Variants in FTO observed in about 807,000 individuals in gnomAD.
FTO encodes the protein alpha-ketoglutarate-dependent dioxygenase FTO.
A neutral mutation model predicts 63.9 loss-of-function variants in FTO; 47 were observed. The observed-to-expected ratio is 0.74, with a 90% CI of 0.58 to 0.94. FTO has a LOEUF of 0.94. Ranked by LOEUF, FTO falls within the 40% of genes least tolerant of loss-of-function variation. The probability of loss-of-function intolerance (pLI) is 0.00; values close to 1 mark genes in which losing one functional copy is unlikely to be tolerated. For synonymous variants in FTO, 207 were observed against 224.4 expected (o/e 0.92, Z 0.69); for missense variants, 562 against 618.1 (o/e 0.91, Z 0.96).
rs1165116700 is a variant in FTO, at chr16:54,113,743, G to A, written c.*1828G>A. Reference sequence around the variant, plus strand: ...GTTCATTTTTTGTTATATCCCATTAGGTGCCCATATTTAAAAATTGGGAGA... The same window carrying A: ...GTTCATTTTTTGTTATATCCCATTAAGTGCCCATATTTAAAAATTGGGAGA... On this transcript the variant is annotated 3_prime_UTR_variant, in exon 9 of 9. Transcript: ENST00000471389. 7 of 151,972 alleles carry A rather than the reference G, an allele frequency of 4.6e-5. No individual in the cohort carries two copies. The highest frequency in any genetic ancestry group is 1.0e-4 in the Non-Finnish European group (7 of 68,000). The allele number at this position is 151,972 out of a possible 1,614,324, so 9.4% of individuals were successfully genotyped here. A position where few individuals can be genotyped will look rare whatever the true frequency, so the allele number is the denominator to read the frequency against.
intron 4 of FTO, among the ~76,000 whole-genome samples, chr16:53,844,503 A>C (rs1471590083): frequency 6.6e-6 from 1 of 152,206 alleles, no homozygotes; most frequent in Admixed American, 6.5e-5. Context: ...CTTGTTGCCC[A>C]GGCTGGAGTG....
chr16:53,801,249 T>C (rs1174143622), intron 1 of FTO, among the ~76,000 whole-genome samples: 2 of 152,044 alleles, frequency 1.3e-5, no homozygotes, highest in African/African-American at 4.8e-5. Flanking sequence ...GGTTTTTTTT[T>C]TATGTTGGTT....
chr16:54,089,689 A>T (rs2086332795), intron 8 of FTO, among the ~76,000 whole-genome samples: 1 of 152,190 alleles, frequency 6.6e-6, no homozygotes, highest in Non-Finnish European at 1.5e-5. Context: ...ACTCAATAAC[A>T]GGAAGACAAT....
chr16:53,869,191 T>G (rs1374379898), intron 4 of FTO, among the ~76,000 whole-genome samples: 2 of 152,120 alleles, frequency 1.3e-5, no homozygotes, highest in African/African-American at 4.8e-5. Flanking sequence ...GGTTGCTGTT[T>G]TTTTTTCCTC....
intron 3 of FTO, among the ~76,000 whole-genome samples, chr16:53,833,478 T>G (rs1338597432): frequency 6.6e-6 from 1 of 152,238 alleles, no homozygotes; most frequent in Non-Finnish European, 1.5e-5. Flanking sequence ...CTTTTGGCTA[T>G]GGTGGATAAA....
At chr16:53,738,314 T>C (rs1163553607) in intron 1 of FTO, among the ~76,000 whole-genome samples, 1 of 152,140 alleles carries the variant, frequency 6.6e-6, no homozygotes, top group Non-Finnish European at 1.5e-5. Flanking sequence ...GAATTTCTTT[T>C]AACTTTTTAT....
At chr16:53,815,062 G>A (rs1284208464) in intron 2 of FTO, among the ~76,000 whole-genome samples, 5 of 145,704 alleles carry the variant, frequency 3.4e-5, no homozygotes, top group African/African-American at 1.3e-4. Flanking sequence ...GGAGACAGCT[G>A]GTGAGAGCAG....
At chr16:53,733,157 T>C (rs1008035135) in intron 1 of FTO, among the ~76,000 whole-genome samples, 1 of 152,204 alleles carries the variant, frequency 6.6e-6, no homozygotes, top group Non-Finnish European at 1.5e-5. Flanking sequence ...CCCAGCACTT[T>C]GGGAGGCCGA....
intron 1 of FTO, among the ~76,000 whole-genome samples, chr16:53,741,721 T>C (rs1281086108): frequency 6.6e-6 from 1 of 152,184 alleles, no homozygotes; most frequent in Non-Finnish European, 1.5e-5. Context: ...TCTGTTATTG[T>C]TGTGTATCAA....
At chr16:53,720,642 A>AT (rs2076016965) in intron 1 of FTO, among the ~76,000 whole-genome samples, 1 of 145,246 alleles carries the variant, frequency 6.9e-6, no homozygotes, top group African/African-American at 2.6e-5. Flanking sequence ...TATATATATA[A>AT]AATATATATA....
At chr16:54,081,082 C>G (rs1427301670) in intron 8 of FTO, among the ~76,000 whole-genome samples, 1 of 152,012 alleles carries the variant, frequency 6.6e-6, no homozygotes, top group South Asian at 2.1e-4. Flanking sequence ...TTTTTTTTCC[C>G]CCTTTTGCTT....
chr16:54,026,338 C>T (rs2084715748), intron 8 of FTO, among the ~76,000 whole-genome samples: 1 of 152,142 alleles, frequency 6.6e-6, no homozygotes. Flanking sequence ...ACCTACATTA[C>T]AGGTAGGAAG....
At chr16:53,979,521 T>A (rs1372351548) in intron 8 of FTO, 2 of 395,404 alleles carry the variant, frequency 5.1e-6, no homozygotes, top group Non-Finnish European at 8.9e-6. Flanking sequence ...ATTGGATCTT[T>A]TTTATGTTTA....
intron 1 of FTO, among the ~76,000 whole-genome samples, chr16:53,790,983 T>G (rs1445279952): frequency 6.6e-6 from 1 of 152,088 alleles, no homozygotes; most frequent in African/African-American, 2.4e-5. Context: ...GCTTAGGTTA[T>G]AGGAATAAAA....
chr16:53,879,384 C>T (rs896172517), intron 5 of FTO, among the ~76,000 whole-genome samples: 2 of 152,016 alleles, frequency 1.3e-5, no homozygotes, highest in East Asian at 1.9e-4. Context: ...TTCTTGAGTT[C>T]GTGAGTATAG....
rs1214715702 is a variant in FTO at position 54,113,308 on chromosome 16, G to C, written c.*1393G>C. 6.6e-6 allele frequency: 1 copy of C among 152,250 alleles called. No homozygotes were observed. Among genetic ancestry groups the C allele is most frequent in the Non-Finnish European group, 1.5e-5 (1 of 68,144 alleles). The allele number at this position is 152,250 out of a possible 1,614,324, so 9.4% of individuals were successfully genotyped here. On this transcript the variant is annotated 3_prime_UTR_variant, in exon 9 of 9. Coordinates refer to ENST00000471389, the MANE Select transcript of FTO (RefSeq NM_001080432.3). ...AGTTAGCCCCCCGTCTCCCCAGCCT[G>C]TTGCTTTCTCGTGTAGTTGTTCACA...
chr16:53,816,868 A>G (rs1352717291), intron 2 of FTO, among the ~76,000 whole-genome samples: 1 of 152,206 alleles, frequency 6.6e-6, no homozygotes, highest in Non-Finnish European at 1.5e-5. Flanking sequence ...GAGAAAATAG[A>G]CGTTTCGCTC....
intron 8 of FTO, among the ~76,000 whole-genome samples, chr16:54,064,377 A>T (rs1281154012): frequency 6.6e-6 from 1 of 152,212 alleles, no homozygotes; most frequent in Non-Finnish European, 1.5e-5. Flanking sequence ...AGCTGTAATG[A>T]AAACATTTTC....
chr16:54,055,293 C>T (rs1695199079), intron 8 of FTO, among the ~76,000 whole-genome samples: 1 of 152,162 alleles, frequency 6.6e-6, no homozygotes, highest in African/African-American at 2.4e-5. Context: ...AGACTCTGAG[C>T]AGACTAAGAT....
Sources: gnomAD v4.1 joint callset for allele counts (sites outside exome capture counted in the v4.1 genomes callset) on GRCh38, gnomAD v4.1.1 for gene constraint, MANE v1.5 for transcripts, NCBI Gene and HGNC (gene_info 2026-07-23, HGNC 2026-07-21) for gene names.